THRA: variants seen among roughly 807,000 people sequenced by gnomAD.
The protein encoded by THRA is thyroid hormone receptor alpha.
A neutral mutation model predicts 45.0 loss-of-function variants in THRA; 13 were observed. The observed-to-expected ratio is 0.29, with a 90% CI of 0.19 to 0.46. The LOEUF (loss-of-function observed/expected upper bound fraction) is 0.46. THRA is among the 20% of genes least tolerant of loss of function. THRA has a pLI of 1.00. For synonymous variants in THRA, 195 were observed against 214.0 expected, an observed-to-expected ratio of 0.91 and a Z score of 0.78; for missense variants, 278 against 556.1, an observed-to-expected ratio of 0.50 and a Z score of 5.03.
At chr17:40,071,310 C>A (rs1317284384) in intron 1 of THRA, among the ~76,000 whole-genome samples, 1 of 152,252 alleles carries the variant, frequency 6.6e-6, no homozygotes, top group Non-Finnish European at 1.5e-5. Flanking sequence ...TCCCCTCTGG[C>A]AGCCCCAGGA....
chr17:40,088,055 C>T (rs746142108), intron 7 of THRA, among the ~76,000 whole-genome samples, 187 bp from the exon 8 acceptor site: 8 of 152,172 alleles, frequency 5.3e-5, no homozygotes, highest in Non-Finnish European at 7.3e-5. Flanking sequence ...GCCACTGCGC[C>T]GGGCCTCACA....
At position 40,074,179 on chromosome 17, in the gene THRA, C is replaced by T. The variant is rs1986870906; in HGVS notation, c.-297-13C>T. ...GACACCTTCTTACCCCTGCCTCTCT[C>T]TTCTCTCCACAGGGATCTCTGGACA... is the stretch of plus-strand genomic sequence containing the variant. On this transcript the variant is annotated splice_polypyrimidine_tract_variant and intron_variant, in intron 1 of 8. Transcript: ENST00000450525. The T allele has an allele frequency of 5.3e-6, 2 of 378,380 alleles. No homozygotes were observed. The highest frequency in any genetic ancestry group is 3.9e-5 in the Admixed American group (1 of 25,616). The allele number at this position is 378,380 out of a possible 1,614,324, so 23.4% of individuals were successfully genotyped here.
rs953010782 is a variant in THRA, at chr17:40,085,562, G to A, written c.576+747G>A. 9.2e-5 allele frequency among the ~76,000 whole-genome samples: 14 copies of A among 151,970 alleles called. No individual in the cohort carries two copies. The East Asian group carries it at 2.7e-3, about 29-fold the overall frequency. ...TTGACCAGGCTGGTCTCGAACTCCT[G>A]ACCTCAAGTGATCCACCCGCCTCGG... On this transcript the variant is annotated intron_variant, in intron 6 of 8. Coordinates refer to ENST00000450525, the MANE Select transcript of THRA (RefSeq NM_199334.5).
At chr17:40,066,822 G>A (rs1459332633) in intron 1 of THRA, among the ~76,000 whole-genome samples, 1 of 152,122 alleles carries the variant, frequency 6.6e-6, no homozygotes, top group African/African-American at 2.4e-5. Flanking sequence ...TCTGTCACTT[G>A]CTGGATGTGT....
intron 1 of THRA, among the ~76,000 whole-genome samples, chr17:40,063,777 G>A (rs917339280): frequency 2.0e-5 from 3 of 152,148 alleles, no homozygotes; most frequent in Non-Finnish European, 4.4e-5. Context: ...GGACCTGTGT[G>A]TGTGTACCCC....
chr17:40,079,081 A>G (rs982297958), intron 4 of THRA, among the ~76,000 whole-genome samples: 1 of 152,110 alleles, frequency 6.6e-6, no homozygotes, highest in Non-Finnish European at 1.5e-5. Context: ...TGTGGAGCCC[A>G]GGAATCTTCC....
At chr17:40,071,746 C>T (rs1487901568) in intron 1 of THRA, among the ~76,000 whole-genome samples, 1 of 152,186 alleles carries the variant, frequency 6.6e-6, no homozygotes, top group African/African-American at 2.4e-5. Context: ...GCCCCTTACC[C>T]GCTGACCTTT....
At chr17:40,093,544 A>C, downstream of THRA, 6 of 1,129,506 alleles carry the variant, frequency 5.3e-6, no homozygotes, top group Non-Finnish European at 7.4e-6. This position sits in a 1 kb window ranked among gnomAD's most constrained non-coding sequence, Gnocchi z 5.9. Flanking sequence ...CAGGCCAAAC[A>C]TGGCCAGACT....
At chr17:40,076,845 A>G in intron 2 of THRA, 26 bp from the exon 3 acceptor site, 1 of 1,613,484 alleles carries the variant, frequency 6.2e-7, no homozygotes, top group Non-Finnish European at 8.5e-7. Context: ...CTGCTCTGTG[A>G]TTCTGCCCAC....
At position 40,090,070 on chromosome 17, in the gene THRA, A is replaced by G; in HGVS notation, c.*614A>G. ...ACAAAAAAGAGAGAGCGAGCGATAG[A>G]GAGAGATGATATTAAGTTATTAACT... On this transcript the variant is annotated 3_prime_UTR_variant, in exon 9 of 9. Transcript: ENST00000450525. 1 of 979,026 alleles carries G rather than the reference A, an allele frequency of 1.0e-6. No homozygotes were observed. The highest frequency in any genetic ancestry group is 1.2e-6 in the Non-Finnish European group (1 of 823,714). 60.6% of individuals were successfully genotyped at this position (979,026 alleles called of 1,614,324 possible).
chr17:40,076,621 C>T lies in THRA; in HGVS notation c.54-250C>T, dbSNP rs115980360. Among the ~76,000 whole-genome samples, 645 of 152,184 alleles carry T rather than the reference C, an allele frequency of 4.2e-3. 4 individuals carry two copies. Among genetic ancestry groups the T allele is most frequent in the African/African-American group, 0.015 (628 of 41,494 alleles). ...ATTATGGGTGCTTCAGGTCTTCTGG[C>T]GGGTGAATGTGTGTGTGTTGGGGCT... On this transcript the variant is annotated intron_variant, in intron 2 of 8. Transcript: ENST00000450525.
intron 1 of THRA, among the ~76,000 whole-genome samples, chr17:40,064,026 G>A (rs1986463830): frequency 1.3e-5 from 2 of 151,684 alleles, no homozygotes; most frequent in African/African-American, 2.4e-5. Context: ...CCAAAATGAG[G>A]GGGGAAGCAA....
intron 1 of THRA, chr17:40,068,812 C>G (rs968343218): frequency 7.2e-5 from 11 of 152,270 alleles, no homozygotes; most frequent in African/African-American, 2.7e-4. Context: ...GTTTCTTTTT[C>G]TCTTTTACCA....
chr17:40,088,648 C>A, intron 8 of THRA, 148 bp downstream of exon 8: 2 of 993,844 alleles, frequency 2.0e-6, no homozygotes, highest in Non-Finnish European at 2.9e-6. Context: ...CTGTTCCTTG[C>A]TCTGTCACAC....
rs1987470206 is a variant in THRA, at chr17:40,089,867, T to C, written c.*411T>C. On this transcript the variant is annotated 3_prime_UTR_variant, in exon 9 of 9. Coordinates refer to ENST00000450525, the MANE Select transcript of THRA (RefSeq NM_199334.5). The surrounding 1 kb of genome is among the most constrained non-coding windows in gnomAD (Gnocchi z 6.1). ...GAGAGAGAGCCCCCACCCAGTTCCT[T>C]GGCCTAGGTCTCCCCTCCAGGCTGA... 2 of 1,023,884 alleles carry C rather than the reference T, an allele frequency of 2.0e-6. No individual in the cohort carries two copies. Among genetic ancestry groups the C allele is most frequent in the Non-Finnish European group, 2.3e-6 (2 of 853,204 alleles). The allele number at this position is 1,023,884 out of a possible 1,614,324, so 63.4% of individuals were successfully genotyped here. A position where few individuals can be genotyped will look rare whatever the true frequency, so the allele number is the denominator to read the frequency against.
In THRA at chr17:40,089,945, T is replaced by G. The variant is rs1448734320; in HGVS notation, c.*489T>G. 4 of 993,746 alleles carry G rather than the reference T, an allele frequency of 4.0e-6. No individual in the cohort carries two copies. The highest frequency in any genetic ancestry group is 4.8e-6 in the Non-Finnish European group (4 of 835,110). 61.6% of individuals were successfully genotyped at this position (993,746 alleles called of 1,614,324 possible). On this transcript the variant is annotated 3_prime_UTR_variant, in exon 9 of 9. Coordinates refer to ENST00000450525, the MANE Select transcript of THRA (RefSeq NM_199334.5). The surrounding 1 kb of genome is among the most constrained non-coding windows in gnomAD (Gnocchi z 6.1). ...GGTGCAAAGAACGGCTTGGCTTGGC[T>G]CCTCCTCTGGAGGTTAAAATTTATA... is the stretch of plus-strand genomic sequence containing the variant.
intron 1 of THRA, among the ~76,000 whole-genome samples, chr17:40,064,569 C>A (rs1365683567): frequency 6.6e-6 from 1 of 152,190 alleles, no homozygotes; most frequent in Admixed American, 6.5e-5. Flanking sequence ...GGCAACAAAA[C>A]CCTTGCTCCC....
chr17:40,088,622 G>A, intron 8 of THRA, 122 bp downstream of exon 8: 5 of 1,257,908 alleles, frequency 4.0e-6, no homozygotes, highest in Non-Finnish European at 5.5e-6. Flanking sequence ...CTGTCACCTG[G>A]GCCATCCCCT....
At chr17:40,079,722 C>T (rs560112879) in intron 4 of THRA, among the ~76,000 whole-genome samples, 12 of 152,276 alleles carry the variant, frequency 7.9e-5, no homozygotes, top group African/African-American at 2.6e-4. Context: ...ATTCTCCCAA[C>T]AGTGCTATAA....
Sources: gnomAD v4.1 joint callset for allele counts (sites outside exome capture counted in the v4.1 genomes callset) on GRCh38, gnomAD v4.1.1 for gene constraint, Gnocchi (gnomAD v3.1) non-coding constraint, MANE v1.5 for transcripts, NCBI Gene and HGNC (gene_info 2026-07-23, HGNC 2026-07-21) for gene names.